Variants in CHLSN observed in about 807,000 individuals in gnomAD.
The protein encoded by CHLSN is cholesin.
the CHLSN span, among the ~76,000 whole-genome samples, chr7:1,104,134 T>C: frequency 2.0e-5 from 3 of 152,162 alleles, no homozygotes; most frequent in Non-Finnish European, 2.9e-5. Context: ...TGGGTTGAGG[T>C]GGCAGCTATG....
the CHLSN span, among the ~76,000 whole-genome samples, chr7:1,000,955 C>CA: frequency 2.6e-5 from 4 of 152,196 alleles, no homozygotes; most frequent in African/African-American, 9.7e-5. Flanking sequence ...CTGTAAGGAA[C>CA]AATACCCTGA....
the CHLSN span, among the ~76,000 whole-genome samples, chr7:1,059,755 A>G: frequency 1.2e-3 from 79 of 63,682 alleles, no homozygotes; most frequent in Middle Eastern, 0.043. Flanking sequence ...GTAGTGAGGC[A>G]GGTCTTAGTG....
At chr7:1,041,315 GCTGCGGGGAAGGGGGCCTGGGGT>G in the CHLSN span, among the ~76,000 whole-genome samples, 3 of 114,128 alleles carry the variant, frequency 2.6e-5, no homozygotes, top group Non-Finnish European at 5.7e-5. Context: ...TGGGGTCCGC[GCTGCGGGGAAGGGGGCCTGGGGT>G]CCGCGCTGCG....
At chr7:985,495 T>C in the CHLSN span, among the ~76,000 whole-genome samples, 1 of 152,198 alleles carries the variant, frequency 6.6e-6, no homozygotes, top group Non-Finnish European at 1.5e-5. Context: ...TAGCTGGTCA[T>C]GTGGCCTCAA....
At chr7:1,051,625 T>C in the CHLSN span, among the ~76,000 whole-genome samples, 1 of 152,202 alleles carries the variant, frequency 6.6e-6, no homozygotes, top group Non-Finnish European at 1.5e-5. Flanking sequence ...CGCCACTGGA[T>C]TGGGAAGGAC....
the CHLSN span, among the ~76,000 whole-genome samples, chr7:1,090,278 C>A: frequency 1.2e-4 from 19 of 152,330 alleles, no homozygotes; most frequent in African/African-American, 4.6e-4. Flanking sequence ...ACCAGCACCC[C>A]CCTGTGACTG....
chr7:1,063,697 C>T, the CHLSN span, among the ~76,000 whole-genome samples: 2 of 152,382 alleles, frequency 1.3e-5, no homozygotes, highest in Non-Finnish European at 2.9e-5. Flanking sequence ...TGTGCCAAGC[C>T]AGGGGAGGAT....
chr7:1,013,617 G>A, the CHLSN span, among the ~76,000 whole-genome samples: 1 of 152,202 alleles, frequency 6.6e-6, no homozygotes, highest in Non-Finnish European at 1.5e-5. Flanking sequence ...GCTTTGAGCC[G>A]ACGCTGTCAG....
the CHLSN span, chr7:1,026,271 G>A: frequency 1.3e-5 from 2 of 152,236 alleles, no homozygotes; most frequent in African/African-American, 4.8e-5. Context: ...CCAGTTGAGG[G>A]TGGAGCCCAG....
the CHLSN span, among the ~76,000 whole-genome samples, chr7:1,114,101 G>A: frequency 6.6e-6 from 1 of 152,242 alleles, no homozygotes; most frequent in Admixed American, 6.5e-5. Context: ...CTTTCCCACT[G>A]TAGCAAGGAC....
chr7:1,099,276 G>C, the CHLSN span, among the ~76,000 whole-genome samples: 2 of 152,140 alleles, frequency 1.3e-5, no homozygotes, highest in African/African-American at 4.8e-5. Flanking sequence ...CCGGAGCCTC[G>C]CTGGTCTCTG....
chr7:1,050,502 C>T, the CHLSN span, among the ~76,000 whole-genome samples: 1 of 152,244 alleles, frequency 6.6e-6, no homozygotes, highest in East Asian at 1.9e-4. Context: ...TCTCAAGCTG[C>T]CCCAGCTTCT....
the CHLSN span, among the ~76,000 whole-genome samples, chr7:1,064,924 T>C: frequency 6.6e-6 from 1 of 152,230 alleles, no homozygotes; most frequent in African/African-American, 2.4e-5. Context: ...CATCCGATTC[T>C]TTTCTGCAGG....
At chr7:1,058,785 C>T in the CHLSN span, 1 of 489,508 alleles carries the variant, frequency 2.0e-6, no homozygotes, top group Non-Finnish European at 3.7e-6. Context: ...GCCTCCTCGC[C>T]TTCAGCCTCC....
At chr7:1,125,290 G>A in the CHLSN span, among the ~76,000 whole-genome samples, 2 of 152,178 alleles carry the variant, frequency 1.3e-5, no homozygotes, top group African/African-American at 4.8e-5. Flanking sequence ...CGCTTTGAAG[G>A]GCCCACGTGG....
chr7:1,092,345 T>G, the CHLSN span: 12 of 1,611,442 alleles, frequency 7.4e-6, no homozygotes, highest in Non-Finnish European at 1.0e-5. Flanking sequence ...GAGGCCTGCT[T>G]CTGTTTCGCG....
chr7:1,053,593 C>G, the CHLSN span, among the ~76,000 whole-genome samples: 2 of 152,138 alleles, frequency 1.3e-5, no homozygotes, highest in African/African-American at 4.8e-5. Context: ...TTTGGGAGGC[C>G]GAGGTGGGCG....
At chr7:1,091,775 C>T in the CHLSN span, 352,954 of 1,570,012 alleles carry the variant, frequency 0.22, 41,862 homozygotes, top group Middle Eastern at 0.32. Context: ...GAGATGTACC[C>T]AGGCACCGCG....
the CHLSN span, among the ~76,000 whole-genome samples, chr7:1,003,182 C>T: frequency 4.6e-4 from 3 of 6,540 alleles, no homozygotes; most frequent in Admixed American, 1.7e-3. Context: ...TGGAGTCCTG[C>T]GGGTGGGGAG....
Sources: gnomAD v4.1 joint callset for allele counts (sites outside exome capture counted in the v4.1 genomes callset) on GRCh38, gnomAD v4.1.1 for gene constraint, MANE v1.5 for transcripts, NCBI Gene and HGNC (gene_info 2026-07-23, HGNC 2026-07-21) for gene names.